Variants in CSRNP3 observed in about 807,000 individuals in gnomAD.
CSRNP3 encodes cysteine/serine-rich nuclear protein 3.
In CSRNP3, 12 loss-of-function variants were observed where a neutral mutation model predicts 48.0. That is an observed-to-expected ratio of 0.25 (90% CI 0.16 to 0.41). CSRNP3 has a LOEUF of 0.41. Among genes scored for constraint, CSRNP3 ranks in the 10% least tolerant of loss-of-function variants. The probability of loss-of-function intolerance (pLI) is 1.00; values close to 1 mark genes in which losing one functional copy is unlikely to be tolerated. For missense variants in CSRNP3, 580 were observed against 724.4 expected (o/e 0.80, Z 2.29); for synonymous variants, 263 against 269.7 (o/e 0.98, Z 0.24).
chr2:165,591,392 A>T (rs577111888), intron 3 of CSRNP3, among the ~76,000 whole-genome samples: 1 of 152,174 alleles, frequency 6.6e-6, no homozygotes. Flanking sequence ...AGAAAAACCC[A>T]TTTACTGGGG....
intron 3 of CSRNP3, among the ~76,000 whole-genome samples, chr2:165,563,670 C>T (rs750330778): frequency 1.3e-5 from 2 of 152,140 alleles, no homozygotes; most frequent in Non-Finnish European, 2.9e-5. Context: ...AGCAAGAAAG[C>T]ACGAGTTCAG....
rs10564116 is a variant in CSRNP3, at chr2:165,599,797, ATATTAT to A, written c.148+4589_148+4594del. 3.4e-4 allele frequency among the ~76,000 whole-genome samples: 52 copies of A among 152,006 alleles called. 2 individuals are homozygous for A. The South Asian group carries it at 0.011, about 32-fold the overall frequency. On this transcript the variant is annotated intron_variant, in intron 4 of 6. Transcript: ENST00000651982. ...AATCAATGTTTATAAACTTTCAGAA[ATATTAT>A]TATTGATAAGTCCTATTTCTTTACT...
intron 3 of CSRNP3, chr2:165,572,716 A>G (rs763157152): frequency 1.3e-5 from 2 of 152,212 alleles, no homozygotes; most frequent in Non-Finnish European, 2.9e-5. Flanking sequence ...TTAAGGATGC[A>G]CTTGAATTGA....
chr2:165,624,960 A>C (rs1037506131), intron 4 of CSRNP3, among the ~76,000 whole-genome samples: 2 of 152,224 alleles, frequency 1.3e-5, no homozygotes, highest in African/African-American at 2.4e-5. Flanking sequence ...TCCCAGTCTG[A>C]CTGTGAAGCC....
At chr2:165,649,613 T>C (rs762023656) in intron 4 of CSRNP3, among the ~76,000 whole-genome samples, 100 of 152,332 alleles carry the variant, frequency 6.6e-4, no homozygotes, top group African/African-American at 2.3e-3. Context: ...ACAATTTTAA[T>C]AGCACTTAGA....
At position 165,532,345 on chromosome 2, in the gene CSRNP3, A is replaced by C. The variant is rs973857126; in HGVS notation, c.-24+14384A>C. On this transcript the variant is annotated intron_variant, in intron 3 of 6. Coordinates refer to ENST00000651982, the MANE Select transcript of CSRNP3 (RefSeq NM_001172173.2). The stretch of plus-strand genomic sequence containing the variant: ...GGCAAACCGAATCCAGCAGCACATC[A>C]AAAAGCTTATCCACCATGATCAAGT... Among the ~76,000 whole-genome samples, 17 of 152,262 alleles carry C rather than the reference A, an allele frequency of 1.1e-4. No individual in the cohort carries two copies. The East Asian group carries it at 1.2e-3, about 10-fold the overall frequency.
intron 4 of CSRNP3, among the ~76,000 whole-genome samples, chr2:165,614,393 C>G (rs991816595): frequency 6.6e-6 from 1 of 152,140 alleles, no homozygotes; most frequent in Non-Finnish European, 1.5e-5. Context: ...GACAATTTGA[C>G]TTACTTTTCC....
At chr2:165,492,849 T>G (rs1286292669) in intron 1 of CSRNP3, among the ~76,000 whole-genome samples, 1 of 145,768 alleles carries the variant, frequency 6.9e-6, no homozygotes, top group Non-Finnish European at 1.5e-5. Context: ...TACTGAATAA[T>G]GAATGGCCCT....
chr2:165,547,190 A>T (rs1685041382), intron 3 of CSRNP3, among the ~76,000 whole-genome samples: 1 of 152,148 alleles, frequency 6.6e-6, no homozygotes, highest in African/African-American at 2.4e-5. Context: ...CCTTATTATG[A>T]TGTCACTACT....
chr2:165,626,388 C>T (rs1313844768), intron 4 of CSRNP3, among the ~76,000 whole-genome samples: 1 of 152,132 alleles, frequency 6.6e-6, no homozygotes, highest in African/African-American at 2.4e-5. Context: ...AATACAAATA[C>T]AAAGGTCCAA....
chr2:165,669,027 G>A (rs1687284500), intron 5 of CSRNP3, among the ~76,000 whole-genome samples: 1 of 152,160 alleles, frequency 6.6e-6, no homozygotes, highest in Non-Finnish European at 1.5e-5. Context: ...AGATTGTCAT[G>A]CAAATTAGGT....
At chr2:165,537,687 C>G (rs1684898921) in intron 3 of CSRNP3, among the ~76,000 whole-genome samples, 1 of 151,698 alleles carries the variant, frequency 6.6e-6, no homozygotes, top group Non-Finnish European at 1.5e-5. Context: ...ATTGTTCACT[C>G]CAAACTTTCT....
intron 3 of CSRNP3, among the ~76,000 whole-genome samples, chr2:165,566,039 A>C (rs1685292549): frequency 6.6e-6 from 1 of 151,950 alleles, no homozygotes; most frequent in African/African-American, 2.4e-5. Context: ...AAAATCTATG[A>C]ATCTCCCATC....
intron 4 of CSRNP3, among the ~76,000 whole-genome samples, chr2:165,639,949 C>T (rs1203716517): frequency 6.6e-6 from 1 of 152,040 alleles, no homozygotes; most frequent in Non-Finnish European, 1.5e-5. Flanking sequence ...CCTTTATGTG[C>T]CAAAACAAAT....
chr2:165,524,761 T>A (rs1238206641), intron 3 of CSRNP3, among the ~76,000 whole-genome samples: 2 of 152,232 alleles, frequency 1.3e-5, no homozygotes, highest in African/African-American at 4.8e-5. Context: ...CTTGCATGTA[T>A]CAATAATTAT....
At chr2:165,642,734 G>A (rs1179924826) in intron 4 of CSRNP3, among the ~76,000 whole-genome samples, 1 of 152,066 alleles carries the variant, frequency 6.6e-6, no homozygotes, top group African/African-American at 2.4e-5. Flanking sequence ...GGCTAATTTT[G>A]TATTTTTAGT....
At chr2:165,505,442 A>T (rs1684413377) in intron 2 of CSRNP3, among the ~76,000 whole-genome samples, 1 of 152,124 alleles carries the variant, frequency 6.6e-6, no homozygotes. Flanking sequence ...CACTTTATTT[A>T]AAAAAATCTT....
chr2:165,654,880 T>A (rs112391167), intron 4 of CSRNP3, among the ~76,000 whole-genome samples: 9,063 of 152,258 alleles, frequency 0.06, 431 homozygotes, highest in African/African-American at 0.13. Flanking sequence ...TCCGCCTGTC[T>A]TGGCCTCCCA....
intron 3 of CSRNP3, among the ~76,000 whole-genome samples, chr2:165,579,597 A>G (rs1350842988): frequency 6.6e-6 from 1 of 152,186 alleles, no homozygotes; most frequent in Non-Finnish European, 1.5e-5. Context: ...AAAGTGTCCA[A>G]GAAATGTTTG....
Sources: gnomAD v4.1 joint callset for allele counts (sites outside exome capture counted in the v4.1 genomes callset) on GRCh38, gnomAD v4.1.1 for gene constraint, MANE v1.5 for transcripts, NCBI Gene and HGNC (gene_info 2026-07-23, HGNC 2026-07-21) for gene names.